The following SLC24A4 variants were observed in gnomAD, a reference collection of about 807,000 sequenced individuals.
SLC24A4 encodes solute carrier family 24 member 4.
SLC24A4 carries 53 observed loss-of-function variants against 79.0 expected under a neutral mutation model. That is an observed-to-expected ratio of 0.67 (90% CI 0.54 to 0.84). The LOEUF (loss-of-function observed/expected upper bound fraction) is 0.84. SLC24A4 is among the 40% of genes least tolerant of loss of function. The pLI, the probability that SLC24A4 is intolerant of heterozygous loss-of-function variation, is 0.00. For synonymous variants in SLC24A4, 323 were observed against 323.8 expected, an observed-to-expected ratio of 1.00 and a Z score of 0.03; for missense variants, 731 against 822.0, an observed-to-expected ratio of 0.89 and a Z score of 1.35.
intron 13 of SLC24A4, chr14:92,484,237 GC>G: frequency 1.0e-6 from 1 of 985,180 alleles, no homozygotes; most frequent in Non-Finnish European, 1.2e-6. Context: ...TTTTGCCTAT[GC>G]TTTCCTGAAA....
At chr14:92,474,863 A>ATATTTT (rs36185636) in intron 12 of SLC24A4, among the ~76,000 whole-genome samples, 11 of 57,124 alleles carry the variant, frequency 1.9e-4, no homozygotes, top group African/African-American at 6.5e-4. Flanking sequence ...ATATATATAT[A>ATATTTT]TTTTTTTTTT....
chr14:92,401,223 C>A (rs1890096119), intron 2 of SLC24A4, among the ~76,000 whole-genome samples: 1 of 152,152 alleles, frequency 6.6e-6, no homozygotes, highest in African/African-American at 2.4e-5. Flanking sequence ...ATTTTTTGCG[C>A]CCCATTGTGT....
intron 9 of SLC24A4, among the ~76,000 whole-genome samples, chr14:92,448,083 T>C (rs879829351): frequency 6.6e-6 from 1 of 152,106 alleles, no homozygotes; most frequent in Admixed American, 6.5e-5. Flanking sequence ...ACAACTATTG[T>C]CTGATTGCAC....
rs57448091 is a variant in SLC24A4 at position 92,335,336 on chromosome 14, T to TTTTTTG, written c.241+9389_241+9394dup. ...CCTCTTTGTGTGACACATGCCATGT[T>TTTTTTG]TTTTTGTTTTTGTTTTTGTTTTTGT... On this transcript the variant is annotated intron_variant, in intron 2 of 16. Coordinates refer to ENST00000532405, the MANE Select transcript of SLC24A4 (RefSeq NM_153646.4). 1.2e-3 allele frequency among the ~76,000 whole-genome samples: 188 copies of TTTTTTG among 151,262 alleles called. 1 individual carries two copies. The highest frequency in any genetic ancestry group is 2.9e-3 in the East Asian group (15 of 5,170).
intron 2 of SLC24A4, among the ~76,000 whole-genome samples, chr14:92,330,364 T>G (rs986973233): frequency 6.6e-6 from 1 of 152,246 alleles, no homozygotes; most frequent in Non-Finnish European, 1.5e-5. Context: ...AAAATCTGCT[T>G]TATTTTTGCT....
At chr14:92,405,737 A>T (rs1890339817) in intron 2 of SLC24A4, among the ~76,000 whole-genome samples, 1 of 152,158 alleles carries the variant, frequency 6.6e-6, no homozygotes, top group South Asian at 2.1e-4. Flanking sequence ...TCATGAGAAC[A>T]GTAAGGGGGA....
chr14:92,398,910 C>T lies in SLC24A4; in HGVS notation c.242-35002C>T, dbSNP rs1889934240. ...TTTCCCAGGATTGGATCTTCAAGGA[C>T]AAGGACCGTGTTGGTTTAAATCTGA... On this transcript the variant is annotated intron_variant, in intron 2 of 16. Transcript: ENST00000532405. The surrounding 1 kb of genome is among the most constrained non-coding windows in gnomAD (Gnocchi z 4.1). Among the ~76,000 whole-genome samples, 1 of 152,200 alleles carries T rather than the reference C, an allele frequency of 6.6e-6. No individual in the cohort carries two copies. The highest frequency in any genetic ancestry group is 2.4e-5 in the African/African-American group (1 of 41,452).
At chr14:92,333,087 A>G (rs1040100660) in intron 2 of SLC24A4, among the ~76,000 whole-genome samples, 2 of 152,240 alleles carry the variant, frequency 1.3e-5, no homozygotes, top group South Asian at 2.1e-4. Context: ...TTTATCCCCA[A>G]CTTCTGGGTT....
intron 2 of SLC24A4, among the ~76,000 whole-genome samples, chr14:92,340,966 G>A (rs1030439903): frequency 6.6e-6 from 1 of 152,252 alleles, no homozygotes; most frequent in Non-Finnish European, 1.5e-5. Context: ...CAAAAGGGAA[G>A]AGTCGGGGCC....
intron 2 of SLC24A4, among the ~76,000 whole-genome samples, chr14:92,340,656 G>A (rs1464692024): frequency 1.3e-5 from 2 of 152,108 alleles, no homozygotes; most frequent in Non-Finnish European, 2.9e-5. Context: ...CCCACCCTAG[G>A]AACTGCTTAC....
At chr14:92,487,365 C>T (rs980305873) in intron 14 of SLC24A4, among the ~76,000 whole-genome samples, 1 of 152,180 alleles carries the variant, frequency 6.6e-6, no homozygotes, top group African/African-American at 2.4e-5. Flanking sequence ...CATGGACATC[C>T]ACAGATCTTC....
intron 12 of SLC24A4, among the ~76,000 whole-genome samples, chr14:92,477,276 G>C (rs1315592362): frequency 6.6e-6 from 1 of 152,092 alleles, no homozygotes; most frequent in Non-Finnish European, 1.5e-5. Context: ...ATTTTCTTTG[G>C]AGAACTGTCT....
At chr14:92,343,580 T>TTTTCTTTC (rs376436087) in intron 2 of SLC24A4, among the ~76,000 whole-genome samples, 3,176 of 85,338 alleles carry the variant, frequency 0.037, 398 homozygotes, top group East Asian at 0.072. Context: ...TTAATTACTG[T>TTTTCTTTC]TTTCTTTCTT....
intron 2 of SLC24A4, among the ~76,000 whole-genome samples, chr14:92,399,473 C>A (rs188861769): frequency 2.6e-5 from 4 of 152,136 alleles, no homozygotes; most frequent in Non-Finnish European, 4.4e-5. Flanking sequence ...AACATCATAT[C>A]ACTGTTACTT....
intron 10 of SLC24A4, chr14:92,452,765 A>G (rs1893217274): frequency 6.6e-6 from 1 of 152,302 alleles, no homozygotes; most frequent in Non-Finnish European, 1.5e-5. Flanking sequence ...CATCTCTGAC[A>G]AATGCATGTT....
intron 2 of SLC24A4, among the ~76,000 whole-genome samples, chr14:92,373,399 A>G (rs1888317816): frequency 1.3e-5 from 2 of 152,146 alleles, no homozygotes; most frequent in Non-Finnish European, 2.9e-5. Flanking sequence ...AGCTTTGGCC[A>G]GGTCCAGCCC....
intron 2 of SLC24A4, among the ~76,000 whole-genome samples, chr14:92,344,407 A>G (rs537419069): frequency 3.9e-5 from 6 of 152,358 alleles, no homozygotes; most frequent in African/African-American, 1.2e-4. Context: ...ACCTAGTGAA[A>G]GCTGACTGAT....
chr14:92,327,901 G>A (rs1885240322), intron 2 of SLC24A4, among the ~76,000 whole-genome samples: 1 of 152,162 alleles, frequency 6.6e-6, no homozygotes, highest in African/African-American at 2.4e-5. Flanking sequence ...GCTTTGTATT[G>A]ACTGTTTCCA....
At chr14:92,335,976 C>T (rs1156950262) in intron 2 of SLC24A4, among the ~76,000 whole-genome samples, 3 of 152,154 alleles carry the variant, frequency 2.0e-5, no homozygotes, top group African/African-American at 7.2e-5. Flanking sequence ...GTTTCTAATA[C>T]CAATTTGTTT....
Sources: allele counts gnomAD v4.1 joint callset (sites outside exome capture counted in the v4.1 genomes callset), GRCh38; gene constraint gnomAD v4.1.1; non-coding constraint Gnocchi (gnomAD v3.1); transcripts MANE v1.5; gene names NCBI Gene and HGNC (gene_info 2026-07-23, HGNC 2026-07-21).